AGBL1: variants seen among roughly 807,000 people sequenced by gnomAD.
AGBL1 encodes the protein cytosolic carboxypeptidase 4.
In AGBL1, 130 loss-of-function variants were observed where a neutral mutation model predicts 118.9. The ratio of observed to expected loss-of-function variants is 1.09; its 90% CI spans 0.95 to 1.26. AGBL1 has a LOEUF of 1.26. AGBL1 is among the 50% of genes most tolerant of loss of function. The pLI is 0.00. For synonymous variants in AGBL1, 555 were observed against 478.9 expected (o/e 1.16, Z -2.08); for missense variants, 1,584 against 1,298.1 (o/e 1.22, Z -3.38).
At chr15:86,370,485 C>T (rs559355359) in intron 17 of AGBL1, among the ~76,000 whole-genome samples, 14 of 152,002 alleles carry the variant, frequency 9.2e-5, no homozygotes, top group African/African-American at 2.4e-4. Context: ...TTGTAGAGAC[C>T]GGGTTTCACC....
chr15:86,907,536 A>G lies in AGBL1; in HGVS notation c.*242A>G, dbSNP rs1185126469. 1 of 152,176 alleles carries G rather than the reference A, an allele frequency of 6.6e-6. No homozygotes were observed. The highest frequency in any genetic ancestry group is 2.4e-5 in the African/African-American group (1 of 41,450). The allele number at this position is 152,176 out of a possible 1,614,324, so 9.4% of individuals were successfully genotyped here. ...TGGGGCCTATGCAAGCTGCTATTGT[A>G]CTTAGAATGGGACCCAATGGGTAGC... is the stretch of plus-strand genomic sequence containing the variant. On this transcript the variant is annotated 3_prime_UTR_variant, in exon 23 of 23. Transcript: ENST00000614907.
At chr15:86,088,820 A>T (rs190372360) in intron 1 of AGBL1, among the ~76,000 whole-genome samples, 1 of 152,276 alleles carries the variant, frequency 6.6e-6, no homozygotes, top group African/African-American at 2.4e-5. Flanking sequence ...TGACAGCCCA[A>T]TTAGCTACCG....
intron 19 of AGBL1, among the ~76,000 whole-genome samples, chr15:86,529,577 G>T (rs2083319959): frequency 8.5e-6 from 1 of 117,472 alleles, no homozygotes; most frequent in African/African-American, 5.6e-5. Flanking sequence ...AGCAAGGCAG[G>T]CCAACATTCA....
At chr15:86,883,657 C>G (rs977732588) in intron 22 of AGBL1, among the ~76,000 whole-genome samples, 3 of 152,188 alleles carry the variant, frequency 2.0e-5, no homozygotes, top group African/African-American at 7.2e-5. Flanking sequence ...AGGCTCTTTT[C>G]TATTCCTGTG....
At chr15:86,437,703 A>G (rs139333486) in intron 18 of AGBL1, among the ~76,000 whole-genome samples, 1 of 152,240 alleles carries the variant, frequency 6.6e-6, no homozygotes, top group Non-Finnish European at 1.5e-5. Context: ...GTTAGGCTTT[A>G]AAAAGTGCCA....
In AGBL1 at chr15:86,712,373, T is replaced by C. The variant is rs117118610; in HGVS notation, c.3158+37937T>C. Among the ~76,000 whole-genome samples the C allele has an allele frequency of 1.7e-3, 265 of 152,092 alleles. 4 individuals carry two copies. The East Asian group carries it at 0.022, about 13-fold the overall frequency. On this transcript the variant is annotated intron_variant, in intron 22 of 22. Coordinates refer to ENST00000614907, the MANE Select transcript of AGBL1 (RefSeq NM_001386094.1). The stretch of plus-strand genomic sequence containing the variant: ...ACAGAGACGATGTGTACTTTTTTTT[T>C]TTTTAATTTACCACTGACATTAAAA...
At chr15:86,394,476 T>C (rs2141985880) in intron 17 of AGBL1, among the ~76,000 whole-genome samples, 1 of 152,256 alleles carries the variant, frequency 6.6e-6, no homozygotes. Flanking sequence ...GGTAATATTA[T>C]TATAAGGATG....
At chr15:86,240,431 G>A (rs960772582) in intron 6 of AGBL1, among the ~76,000 whole-genome samples, 2 of 152,188 alleles carry the variant, frequency 1.3e-5, no homozygotes, top group Non-Finnish European at 2.9e-5. Context: ...ACTGTAGTTA[G>A]GGACACAACT....
chr15:86,477,087 T>C (rs967259433), intron 18 of AGBL1, among the ~76,000 whole-genome samples: 2 of 152,004 alleles, frequency 1.3e-5, no homozygotes, highest in African/African-American at 4.8e-5. Context: ...AAGCAGTGTG[T>C]AGAGGGAAAT....
chr15:86,322,562 G>A (rs2080120282), intron 17 of AGBL1, among the ~76,000 whole-genome samples: 1 of 152,114 alleles, frequency 6.6e-6, no homozygotes, highest in African/African-American at 2.4e-5. Context: ...GGTTTTTTCA[G>A]CTAGTTTTTA....
intron 22 of AGBL1, among the ~76,000 whole-genome samples, chr15:86,745,181 C>T (rs748838638): frequency 7.9e-5 from 12 of 152,062 alleles, no homozygotes; most frequent in Non-Finnish European, 1.5e-4. Context: ...TAAGAATAAA[C>T]ATATAGATAA....
intron 22 of AGBL1, among the ~76,000 whole-genome samples, chr15:86,709,929 TG>T (rs1476954338): frequency 1.3e-5 from 2 of 152,210 alleles, no homozygotes; most frequent in Non-Finnish European, 2.9e-5. Context: ...TAGAGAGCCT[TG>T]TTATCCTGTT....
At chr15:86,875,075 G>A (rs1026641868) in intron 22 of AGBL1, among the ~76,000 whole-genome samples, 14 of 152,086 alleles carry the variant, frequency 9.2e-5, no homozygotes, top group African/African-American at 3.1e-4. Flanking sequence ...AAAAAATACA[G>A]AACAGAAAAA....
At chr15:86,429,658 C>T (rs2081911367) in intron 18 of AGBL1, among the ~76,000 whole-genome samples, 1 of 152,212 alleles carries the variant, frequency 6.6e-6, no homozygotes, top group African/African-American at 2.4e-5. Context: ...ATGCTCTGTT[C>T]TCACCATGTG....
intron 21 of AGBL1, among the ~76,000 whole-genome samples, chr15:86,590,299 C>T (rs2084316167): frequency 6.6e-6 from 1 of 152,134 alleles, no homozygotes; most frequent in African/African-American, 2.4e-5. Flanking sequence ...ATGGAAGACA[C>T]CCTGTGGGAG....
At chr15:86,193,623 G>A (rs922886225) in intron 5 of AGBL1, among the ~76,000 whole-genome samples, 1 of 152,126 alleles carries the variant, frequency 6.6e-6, no homozygotes, top group Non-Finnish European at 1.5e-5. Context: ...CTCATTCAGG[G>A]CTCTGGAAAG....
At chr15:86,199,736 A>G (rs1289129843) in intron 5 of AGBL1, among the ~76,000 whole-genome samples, 2 of 152,238 alleles carry the variant, frequency 1.3e-5, no homozygotes, top group Non-Finnish European at 2.9e-5. Flanking sequence ...TTTTGGCAAC[A>G]TGAAAGATTC....
intron 5 of AGBL1, among the ~76,000 whole-genome samples, chr15:86,206,122 T>G (rs2077988201): frequency 6.6e-6 from 1 of 152,208 alleles, no homozygotes; most frequent in Admixed American, 6.5e-5. Context: ...TTCATCCATG[T>G]CCCTATAAAG....
At position 86,875,774 on chromosome 15, in the gene AGBL1, A is replaced by G. The variant is rs16978055; in HGVS notation, c.3159-31313A>G. Among the ~76,000 whole-genome samples the G allele has an allele frequency of 2.7e-3, 408 of 152,322 alleles. 1 individual carries two copies. Among genetic ancestry groups the G allele is most frequent in the African/African-American group, 9.6e-3 (399 of 41,584 alleles). ...GGGTAGAGATCAATGAAAGTTAACC[A>G]TTACGAATGGGGTAGAGATCTGTGA... On this transcript the variant is annotated intron_variant, in intron 22 of 22. Transcript: ENST00000614907.
Sources: gnomAD v4.1 joint callset for allele counts (sites outside exome capture counted in the v4.1 genomes callset) on GRCh38, gnomAD v4.1.1 for gene constraint, MANE v1.5 for transcripts, NCBI Gene and HGNC (gene_info 2026-07-23, HGNC 2026-07-21) for gene names.